ANK3: variants seen among roughly 807,000 people sequenced by gnomAD.
The protein encoded by ANK3 is ankyrin 3, also known as ankyrin-3.
In ANK3, 57 loss-of-function variants were observed where a neutral mutation model predicts 370.9. The ratio of observed to expected loss-of-function variants is 0.15; its 90% CI spans 0.12 to 0.19. The LOEUF (loss-of-function observed/expected upper bound fraction) is 0.19, where lower values mean the gene tolerates loss of function less well. ANK3 is among the 10% of genes least tolerant of loss of function. The pLI is 1.00. For synonymous variants in ANK3, 1,929 were observed against 1,946.3 expected (o/e 0.99, Z 0.23); for missense variants, 4,439 against 5,302.1 (o/e 0.84, Z 5.06).
chr10:60,137,783 T>C (rs1183435053), intron 24 of ANK3, among the ~76,000 whole-genome samples: 1 of 152,140 alleles, frequency 6.6e-6, no homozygotes, highest in Non-Finnish European at 1.5e-5. Flanking sequence ...TCATATATTA[T>C]CAGAAGAACA....
In ANK3 at chr10:60,388,173, A is replaced by C. The variant is rs914215267; in HGVS notation, c.114+1252T>G. On this transcript the variant is annotated intron_variant, in intron 1 of 43. Coordinates refer to ENST00000280772, the MANE Select transcript of ANK3 (RefSeq NM_020987.5). ...TAACCCAAGTTTGTATTTTTATGAA[A>C]ATATATTCAAGAAGTTTATTTACAA... Among the ~76,000 whole-genome samples, 3 of 152,194 alleles carry C rather than the reference A, an allele frequency of 2.0e-5. No individual in the cohort carries two copies. In the South Asian group the frequency reaches 6.2e-4, roughly 32 times the overall value.
rs1172921216 is a variant in ANK3, at chr10:60,469,643, A to G, written c.96+145543T>C. 2.3e-4 allele frequency among the ~76,000 whole-genome samples: 5 copies of G among 21,952 alleles called. 1 individual carries two copies. The highest frequency in any genetic ancestry group is 6.2e-4 in the African/African-American group (4 of 6,458). 14.4% of individuals were successfully genotyped at this position (21,952 alleles called of 152,430 possible). A position where few individuals can be genotyped will look rare whatever the true frequency, so the allele number is the denominator to read the frequency against. On this transcript the variant is annotated intron_variant, in intron 2 of 43. Coordinates refer to the ANK3 transcript ENST00000373827. ...TATGGTGGTATATATATATATATAT[A>G]TATATATATATGGTGGTATATATAT...
intron 2 of ANK3, among the ~76,000 whole-genome samples, chr10:60,450,789 G>A (rs2064579864): frequency 2.6e-5 from 4 of 152,172 alleles, no homozygotes; most frequent in African/African-American, 9.7e-5. Flanking sequence ...AAAGTAACAA[G>A]AAAAATGTAG....
rs1367459524 is a variant in ANK3, at chr10:60,059,375, T to C, written c.12651A>G (p.Arg4217=). 4 of 1,614,118 alleles carry C rather than the reference T, an allele frequency of 2.5e-6. No homozygotes were observed. Among genetic ancestry groups the C allele is most frequent in the Non-Finnish European group, 3.4e-6 (4 of 1,180,004 alleles). Residue 4217 remains arginine, a synonymous_variant, in exon 41 of 44, where the codon AGA becomes AGG. Coordinates refer to ENST00000280772, the MANE Select transcript of ANK3 (RefSeq NM_020987.5). ...GTCGATCTAGTAACCCACCAGTTACTCTTCGAGCTTGAGCGCAGGACTCTA... is the reference window on the plus strand; with the variant it reads ...GTCGATCTAGTAACCCACCAGTTACCCTTCGAGCTTGAGCGCAGGACTCTA... ...GNLESCAQAR[R]VTGGLLDRLD...
At chr10:60,125,761 G>T (rs1158881128) in intron 25 of ANK3, among the ~76,000 whole-genome samples, 2 of 152,132 alleles carry the variant, frequency 1.3e-5, no homozygotes, top group Non-Finnish European at 2.9e-5. Context: ...AGTCTTTTGG[G>T]TTAGGTATTC....
intron 2 of ANK3, among the ~76,000 whole-genome samples, chr10:60,489,458 C>T (rs12267513): frequency 0.01 from 1,585 of 152,094 alleles, 26 homozygotes; most frequent in African/African-American, 0.036. Flanking sequence ...TTTAGAAACA[C>T]AAAAAGCAGA....
chr10:60,142,583 T>G (rs1447309812), intron 23 of ANK3, among the ~76,000 whole-genome samples: 4 of 151,444 alleles, frequency 2.6e-5, no homozygotes, highest in African/African-American at 9.7e-5. Flanking sequence ...TTATGTTAAA[T>G]GACTGGTATA....
At chr10:60,395,550 C>CTCTT (rs58204421) in intron 2 of ANK3, among the ~76,000 whole-genome samples, 11,980 of 107,748 alleles carry the variant, frequency 0.11, 866 homozygotes, top group Middle Eastern at 0.19. Flanking sequence ...ACTACTATGC[C>CTCTT]TCTTTCTTTC....
At chr10:60,188,012 G>C (rs1479040898) in intron 16 of ANK3, among the ~76,000 whole-genome samples, 1 of 152,060 alleles carries the variant, frequency 6.6e-6, no homozygotes, top group East Asian at 1.9e-4. Flanking sequence ...GGGATATTTA[G>C]TGGCACTCTT....
intron 12 of ANK3, among the ~76,000 whole-genome samples, chr10:60,201,290 T>C (rs1199495550): frequency 6.6e-6 from 1 of 152,222 alleles, no homozygotes; most frequent in Non-Finnish European, 1.5e-5. Context: ...TATCTTTTGG[T>C]TGTACTGCTT....
At chr10:60,213,120 C>A (rs995683974) in intron 9 of ANK3, among the ~76,000 whole-genome samples, 1 of 152,084 alleles carries the variant, frequency 6.6e-6, no homozygotes, top group Admixed American at 6.6e-5. Context: ...CTTTCTTAAC[C>A]TGACAAGCAA....
At chr10:60,699,946 T>C (rs1157717974) in intron 1 of ANK3, among the ~76,000 whole-genome samples, 1 of 152,104 alleles carries the variant, frequency 6.6e-6, no homozygotes, top group African/African-American at 2.4e-5. Context: ...AAGAGGCAAA[T>C]AGTTTTTCAA....
chr10:60,495,858 C>T (rs559748515), intron 2 of ANK3, among the ~76,000 whole-genome samples: 1 of 152,090 alleles, frequency 6.6e-6, no homozygotes, highest in East Asian at 1.9e-4. Flanking sequence ...CTCCCAAAGG[C>T]TTGTCTTCAA....
intron 2 of ANK3, among the ~76,000 whole-genome samples, chr10:60,401,874 A>C (rs772377745): frequency 9.9e-5 from 15 of 152,178 alleles, no homozygotes; most frequent in Admixed American, 3.9e-4. Flanking sequence ...CTGGAGGTAG[A>C]TTTCAGGAAA....
At chr10:60,561,110 T>C (rs915517469) in intron 2 of ANK3, among the ~76,000 whole-genome samples, 2 of 152,112 alleles carry the variant, frequency 1.3e-5, no homozygotes, top group African/African-American at 4.8e-5. Context: ...TCTCAGAAAT[T>C]ATGTGGAGGT....
chr10:60,502,531 C>A (rs113519210), intron 2 of ANK3, among the ~76,000 whole-genome samples: 3 of 152,230 alleles, frequency 2.0e-5, no homozygotes, highest in African/African-American at 7.2e-5. Flanking sequence ...AAAGAAAGCT[C>A]TTGTCGGGCA....
intron 25 of ANK3, among the ~76,000 whole-genome samples, chr10:60,129,607 G>T (rs566578911): frequency 2.0e-5 from 3 of 152,256 alleles, no homozygotes; most frequent in East Asian, 3.9e-4. Flanking sequence ...ACAAAAATTA[G>T]CTGGGCATGG....
At chr10:60,190,070 T>C (rs944518701) in intron 16 of ANK3, among the ~76,000 whole-genome samples, 10 of 152,214 alleles carry the variant, frequency 6.6e-5, no homozygotes, top group African/African-American at 2.2e-4. Flanking sequence ...TGGACTAAAA[T>C]AGATTAGAGC....
chr10:60,391,404 G>A (rs1388160570), upstream of ANK3, among the ~76,000 whole-genome samples: 4 of 152,196 alleles, frequency 2.6e-5, no homozygotes, highest in Admixed American at 6.5e-5. Flanking sequence ...GCAGATGAAA[G>A]GTATTTGGGT....
Sources: gnomAD v4.1 joint callset for allele counts (sites outside exome capture counted in the v4.1 genomes callset) on GRCh38, gnomAD v4.1.1 for gene constraint, MANE v1.5 for transcripts, NCBI Gene and HGNC (gene_info 2026-07-23, HGNC 2026-07-21) for gene names.